The following ADGRV1 variants were observed in gnomAD, a reference collection of about 807,000 sequenced individuals.
ADGRV1 encodes the protein G-protein coupled receptor 98.
ADGRV1 carries 359 observed loss-of-function variants against 596.2 expected under a neutral mutation model. That is an observed-to-expected ratio of 0.60 (90% CI 0.55 to 0.66). The LOEUF is 0.66. ADGRV1 is among the 30% of genes least tolerant of loss of function. The pLI is 0.00. For synonymous variants in ADGRV1, 2,681 were observed against 2,679.2 expected (o/e 1.00, Z -0.02); for missense variants, 7,274 against 7,575.6 (o/e 0.96, Z 1.48).
intron 86 of ADGRV1, among the ~76,000 whole-genome samples, chr5:91,079,171 AG>A (rs1789115483): frequency 6.6e-6 from 1 of 152,300 alleles, no homozygotes; most frequent in East Asian, 1.9e-4. Flanking sequence ...GCCTGTTTGC[AG>A]TCTACTCCAA....
chr5:90,918,413 C>G (rs971264140), intron 83 of ADGRV1, among the ~76,000 whole-genome samples: 1 of 152,108 alleles, frequency 6.6e-6, no homozygotes, highest in Non-Finnish European at 1.5e-5. Context: ...TTTCAATGTT[C>G]GGGCTATTTT....
At chr5:90,691,651 C>T (rs1561536700) in intron 31 of ADGRV1, among the ~76,000 whole-genome samples, 1 of 152,106 alleles carries the variant, frequency 6.6e-6, no homozygotes, top group Non-Finnish European at 1.5e-5. Context: ...TCCCAAAGTG[C>T]TGGGATTACA....
rs1300414750 is a variant in ADGRV1 at position 90,811,076 on chromosome 5, TG to T, written c.15817del (p.Ala5273HisfsTer13). 6.2e-7 allele frequency: 1 copy of T among 1,613,856 alleles called. No individual in the cohort carries two copies. The highest frequency in any genetic ancestry group is 1.3e-5 in the African/African-American group (1 of 74,950). ...AAAGATGTGCTCAGATGGAACCAAATGCATTGCCCTTTCGTGGTATCTATGG... is the reference window on the plus strand; with the variant it reads ...AAAGATGTGCTCAGATGGAACCAAATCATTGCCCTTTCGTGGTATCTATGG... ...GERCAQMEPN[A>X]LPFRGIYGIS... On this transcript the variant is annotated frameshift_variant, in exon 74 of 90. Coordinates refer to ENST00000405460, the MANE Select transcript of ADGRV1 (RefSeq NM_032119.4). LOFTEE classifies it high-confidence loss of function.
chr5:90,592,392 A>G (rs1759624756), intron 1 of ADGRV1, among the ~76,000 whole-genome samples: 1 of 152,238 alleles, frequency 6.6e-6, no homozygotes. Context: ...GTTCTCATTC[A>G]TAAGTGGGAG....
rs1187964630 is a variant in ADGRV1 at position 90,684,294 on chromosome 5, T to TAAATAAATAAATAAATA, written c.6274+102_6274+103insTAAATAAATAAATAAAA. On this transcript the variant is annotated intron_variant, in intron 28 of 89. Transcript: ENST00000405460. ...TAATAGAAAATTCTATAAAAAGTAG[T>TAAATAAATAAATAAATA]AAACTCTAACTTTGAAAATGTCCTC... The TAAATAAATAAATAAATA allele has an allele frequency of 4.2e-5, 48 of 1,147,076 alleles. No individual in the cohort carries two copies. In the African/African-American group the frequency reaches 6.5e-4, roughly 16 times the overall value. The allele number at this position is 1,147,076 out of a possible 1,614,324, so 71.1% of individuals were successfully genotyped here. A position where few individuals can be genotyped will look rare whatever the true frequency, so the allele number is the denominator to read the frequency against.
chr5:90,679,910 G>T (rs954542914), intron 26 of ADGRV1, among the ~76,000 whole-genome samples: 1 of 152,054 alleles, frequency 6.6e-6, no homozygotes, highest in Non-Finnish European at 1.5e-5. Context: ...AATTGTGATA[G>T]AAATTTCACT....
In ADGRV1 at chr5:90,778,975, G is replaced by A. The variant is rs1420310275; in HGVS notation, c.12960G>A (p.Gly4320=). The change falls in exon 64 of 90, where the codon GGG becomes GGA. Residue 4320 remains glycine, a synonymous_variant. Transcript: ENST00000405460. ...EAGLDFVPAA[G]ELLFEAGEMR... is the part of the protein sequence containing the mutation. ...GCTTGGATTTTGTTCCTGCAGCAGG[G>A]GAGCTCCTCTTTGAAGCAGGGGAGA... The A allele has an allele frequency of 6.2e-7, 1 of 1,613,364 alleles. No homozygotes were observed. The highest frequency in any genetic ancestry group is 8.5e-7 in the Non-Finnish European group (1 of 1,179,536).
chr5:90,969,291 ATG>A (rs1470539831), intron 84 of ADGRV1, among the ~76,000 whole-genome samples: 1 of 152,228 alleles, frequency 6.6e-6, no homozygotes, highest in Non-Finnish European at 1.5e-5. Flanking sequence ...TTAAGATAAT[ATG>A]TTGTGGCTAA....
chr5:90,681,537 T>C lies in ADGRV1; in HGVS notation c.5664+83T>C. 3 of 1,347,402 alleles carry C rather than the reference T, an allele frequency of 2.2e-6. No individual in the cohort carries two copies. The Admixed American group carries it at 7.9e-5, about 36-fold the overall frequency. 83.5% of individuals were successfully genotyped at this position (1,347,402 alleles called of 1,614,324 possible). Reference sequence around the variant, plus strand: ...TGTGCTATGAAAGTGTGTTTTATGCTTTCCTTTTTTTGTGTAGGCTGAGGG... The same window carrying C: ...TGTGCTATGAAAGTGTGTTTTATGCCTTCCTTTTTTTGTGTAGGCTGAGGG... On this transcript the variant is annotated intron_variant, in intron 27 of 89. Transcript: ENST00000405460.
In ADGRV1 at chr5:90,578,479, A is replaced by G. The variant is rs574095388; in HGVS notation, c.22+19562A>G. Among the ~76,000 whole-genome samples the G allele has an allele frequency of 2.0e-3, 297 of 152,284 alleles. 2 individuals carry two copies. The highest frequency in any genetic ancestry group is 6.4e-3 in the African/African-American group (266 of 41,548). On this transcript the variant is annotated intron_variant, in intron 1 of 89. Transcript: ENST00000405460. Reference sequence around the variant, plus strand: ...GATGAAGCCGACTTGATTGTGGTGGATAAGATTTTTGATGTGCTGCTGGAT... The same window carrying G: ...GATGAAGCCGACTTGATTGTGGTGGGTAAGATTTTTGATGTGCTGCTGGAT...
chr5:91,059,248 T>C (rs1293865188), intron 85 of ADGRV1, among the ~76,000 whole-genome samples: 1 of 152,186 alleles, frequency 6.6e-6, no homozygotes, highest in African/African-American at 2.4e-5. Context: ...TATTTTATTT[T>C]TTGGAAAACT....
chr5:90,794,091 C>T (rs1760387195), intron 70 of ADGRV1, among the ~76,000 whole-genome samples: 2 of 152,210 alleles, frequency 1.3e-5, no homozygotes, highest in South Asian at 2.1e-4. Flanking sequence ...CAAGAGTTTA[C>T]ATCCTGTCCT....
At chr5:90,723,623 C>T (rs925310218) in intron 45 of ADGRV1, among the ~76,000 whole-genome samples, 5 of 152,030 alleles carry the variant, frequency 3.3e-5, no homozygotes, top group African/African-American at 9.7e-5. Context: ...CTGCAGTATA[C>T]CTTTAAAAGG....
rs41303352 is a variant in ADGRV1, at chr5:90,683,874, A to G, written c.5953A>G (p.Asn1985Asp). 0.15 allele frequency: 238,262 copies of G among 1,612,926 alleles called. 21,177 individuals carry two copies. The highest frequency in any genetic ancestry group is 0.38 in the East Asian group (16,920 of 44,834). The change falls in exon 28 of 90, where the codon AAC (asparagine) becomes GAC (aspartate). Residue 1985 changes from asparagine (N) to aspartate (D), a missense_variant. Coordinates refer to ENST00000405460, the MANE Select transcript of ADGRV1 (RefSeq NM_032119.4). ...TGGGATATTCATTTTTTCTGAGAAA[A>G]ACAGACCTGTTAAAGTTGAGGAAGC... ...PYGIFIFSEK[N>D]RPVKVEEATQ...
In ADGRV1 at chr5:90,725,620, C is replaced by T; in HGVS notation, c.10125C>T (p.Ile3375=). 1 of 1,580,408 alleles carries T rather than the reference C, an allele frequency of 6.3e-7. No individual in the cohort carries two copies. ...CTTCAGACAGCCAAGATTATTTAAT[C>T]ATTGCAAGTCAAAGAGATGATTCCG... ...YFTSDSQDYL[I]IASQRDDSEL... Residue 3375 remains isoleucine (I), a synonymous_variant, in exon 48 of 90, where the codon ATC becomes ATT. Transcript: ENST00000405460.
At position 90,880,874 on chromosome 5, in the gene ADGRV1, G is replaced by A. The variant is rs191711202; in HGVS notation, c.17856+17017G>A. 8.9e-4 allele frequency among the ~76,000 whole-genome samples: 135 copies of A among 152,244 alleles called. 1 individual carries two copies. Among genetic ancestry groups the A allele is most frequent in the African/African-American group, 3.2e-3 (133 of 41,548 alleles). On this transcript the variant is annotated intron_variant, in intron 83 of 89. Coordinates refer to ENST00000405460, the MANE Select transcript of ADGRV1 (RefSeq NM_032119.4). Reference sequence around the variant, plus strand: ...TCCCACCCATATAAATAAGCTTACAGTGAATAGTGGCCAGATTTTAGCAGT... The same window carrying A: ...TCCCACCCATATAAATAAGCTTACAATGAATAGTGGCCAGATTTTAGCAGT...
At chr5:90,965,836 T>C (rs1016827510) in intron 84 of ADGRV1, among the ~76,000 whole-genome samples, 2 of 152,146 alleles carry the variant, frequency 1.3e-5, no homozygotes, top group African/African-American at 4.8e-5. Flanking sequence ...GGAAAAGTAA[T>C]AGAATGATTT....
intron 83 of ADGRV1, among the ~76,000 whole-genome samples, chr5:90,885,601 G>A (rs1770206379): frequency 6.6e-6 from 1 of 152,142 alleles, no homozygotes; most frequent in African/African-American, 2.4e-5. Context: ...AATGTGATAA[G>A]CTTTGAGAGG....
At chr5:90,995,773 T>C (rs559431238) in intron 85 of ADGRV1, among the ~76,000 whole-genome samples, 1 of 152,260 alleles carries the variant, frequency 6.6e-6, no homozygotes, top group African/African-American at 2.4e-5. Context: ...CAGGCTGAGG[T>C]GGCCTCAGAT....
Sources: gnomAD v4.1 joint callset for allele counts (sites outside exome capture counted in the v4.1 genomes callset) on GRCh38, gnomAD v4.1.1 for gene constraint, MANE v1.5 for transcripts, NCBI Gene and HGNC (gene_info 2026-07-23, HGNC 2026-07-21) for gene names.